ABCB1: variants seen among roughly 807,000 people sequenced by gnomAD.
ABCB1 encodes ATP binding cassette subfamily B member 1.
ABCB1 carries 69 observed loss-of-function variants against 142.0 expected under a neutral mutation model. The ratio of observed to expected loss-of-function variants is 0.49; its 90% CI spans 0.40 to 0.59. ABCB1 has a LOEUF of 0.59. ABCB1 is among the 20% of genes least tolerant of loss of function. The pLI, the probability that ABCB1 is intolerant of heterozygous loss-of-function variation, is 0.00. For synonymous variants in ABCB1, 532 were observed against 539.2 expected, an observed-to-expected ratio of 0.99 and a Z score of 0.18; for missense variants, 1,326 against 1,554.7, an observed-to-expected ratio of 0.85 and a Z score of 2.47.
intron 1 of ABCB1, among the ~76,000 whole-genome samples, chr7:87,664,292 T>C (rs1329491096): frequency 6.6e-6 from 1 of 152,070 alleles, no homozygotes; most frequent in Non-Finnish European, 1.5e-5. Context: ...TACCTGGAGA[T>C]AGCAGCTGCA....
In ABCB1 at chr7:87,539,399, A is replaced by G. The variant is rs1032932206; in HGVS notation, c.2320-54T>C. 9 of 1,538,380 alleles carry G rather than the reference A, an allele frequency of 5.9e-6. No homozygotes were observed. The Admixed American group carries it at 1.0e-4, about 17-fold the overall frequency. On this transcript the variant is annotated intron_variant, in intron 18 of 27. Transcript: ENST00000622132. ...ACCCAGCCACCATTTAAATAAAAGGAGGGAGAATTGATGTCTTTGCTAAAG... is the reference window on the plus strand; with the variant it reads ...ACCCAGCCACCATTTAAATAAAAGGGGGGAGAATTGATGTCTTTGCTAAAG...
chr7:87,523,041 G>T (rs1465527966), intron 21 of ABCB1, among the ~76,000 whole-genome samples: 3 of 151,946 alleles, frequency 2.0e-5, no homozygotes, highest in African/African-American at 7.3e-5. Flanking sequence ...CTAAACATTT[G>T]TCCATATTGA....
chr7:87,708,962 C>A (rs1237379166), intron 1 of ABCB1, among the ~76,000 whole-genome samples: 2 of 152,112 alleles, frequency 1.3e-5, no homozygotes, highest in South Asian at 4.2e-4. Context: ...ATGGATCACC[C>A]TTATCAACTG....
At chr7:87,617,928 T>C (rs931349846) in intron 1 of ABCB1, among the ~76,000 whole-genome samples, 1 of 152,188 alleles carries the variant, frequency 6.6e-6, no homozygotes, top group African/African-American at 2.4e-5. Flanking sequence ...CCTTACTCTC[T>C]GAGCTCCAGC....
chr7:87,688,650 T>G (rs1211271815), intron 1 of ABCB1, among the ~76,000 whole-genome samples: 2 of 152,014 alleles, frequency 1.3e-5, no homozygotes, highest in Non-Finnish European at 2.9e-5. Context: ...TTTGTACTTA[T>G]TTTTCATTTG....
chr7:87,531,261 CTTAA>C (rs1272516361), intron 21 of ABCB1, 29 bp downstream of exon 21: 16 of 1,557,834 alleles, frequency 1.0e-5, no homozygotes, highest in South Asian at 2.2e-5. Context: ...CTTTACTCTA[CTTAA>C]TTAATCAATC....
chr7:87,555,775 G>A (rs541887049), intron 8 of ABCB1, among the ~76,000 whole-genome samples: 1 of 152,208 alleles, frequency 6.6e-6, no homozygotes, highest in South Asian at 2.1e-4. Context: ...CACTTTATGA[G>A]TTGATCTGAG....
intron 1 of ABCB1, among the ~76,000 whole-genome samples, chr7:87,616,913 G>T (rs1034454368): frequency 3.3e-5 from 5 of 152,086 alleles, no homozygotes; most frequent in African/African-American, 1.2e-4. Context: ...AGCTAGAATT[G>T]GTCTGTCTCT....
intron 1 of ABCB1, chr7:87,650,866 T>C (rs150966930): frequency 1.1e-5 from 17 of 1,613,074 alleles, no homozygotes; most frequent in African/African-American, 4.0e-5. Flanking sequence ...TTTGAGACAA[T>C]TGATGATTCT....
At position 87,509,472 on chromosome 7, in the gene ABCB1, CATCA is replaced by C; in HGVS notation, c.3288_3291del (p.Asp1097AlafsTer4). ...ACATTCAGTCGCTTTATTTCTTTGC[CATCA>C]AGCAGCTGAAAACAAGAGTTCACAG... is the stretch of plus-strand genomic sequence containing the variant. On this transcript the variant is annotated frameshift_variant, in exon 26 of 28. Coordinates refer to ENST00000622132, the MANE Select transcript of ABCB1 (RefSeq NM_001348946.2). LOFTEE classifies it high-confidence loss of function. 6.2e-7 allele frequency: 1 copy of C among 1,614,026 alleles called. No individual in the cohort carries two copies. The highest frequency in any genetic ancestry group is 8.5e-7 in the Non-Finnish European group (1 of 1,180,016).
At chr7:87,681,968 G>T (rs564900825) in intron 1 of ABCB1, among the ~76,000 whole-genome samples, 7 of 152,272 alleles carry the variant, frequency 4.6e-5, no homozygotes, top group African/African-American at 1.7e-4. Context: ...TTCAAAATTG[G>T]AGTCAATACT....
At chr7:87,666,119 A>G (rs1341869433) in intron 1 of ABCB1, among the ~76,000 whole-genome samples, 1 of 152,074 alleles carries the variant, frequency 6.6e-6, no homozygotes, top group African/African-American at 2.4e-5. Flanking sequence ...GTGTATAAGC[A>G]TCCCCTTTTC....
intron 4 of ABCB1, among the ~76,000 whole-genome samples, chr7:87,575,667 T>C (rs1183769228): frequency 6.6e-6 from 1 of 152,222 alleles, no homozygotes; most frequent in Admixed American, 6.5e-5. Flanking sequence ...CCCTATGGCA[T>C]TGGCCCAAAC....
chr7:87,504,849 T>A (rs1341259588), intron 27 of ABCB1, among the ~76,000 whole-genome samples: 1 of 150,548 alleles, frequency 6.6e-6, no homozygotes, highest in Non-Finnish European at 1.5e-5. Context: ...CAACAATAGA[T>A]CCTTCTTAAC....
At chr7:87,586,713 G>A (rs1451199455) in intron 3 of ABCB1, among the ~76,000 whole-genome samples, 1 of 152,194 alleles carries the variant, frequency 6.6e-6, no homozygotes, top group African/African-American at 2.4e-5. Context: ...CAAGGGGATA[G>A]AAACCAATCC....
chr7:87,562,830 T>C (rs1297425121), intron 7 of ABCB1, among the ~76,000 whole-genome samples: 1 of 150,986 alleles, frequency 6.6e-6, no homozygotes, highest in African/African-American at 2.4e-5. Context: ...CCAGGTGTGA[T>C]GACTCACACC....
intron 1 of ABCB1, chr7:87,700,373 G>T (rs763969613): frequency 7.3e-5 from 108 of 1,480,400 alleles, no homozygotes; most frequent in Admixed American, 2.3e-4. Context: ...TTCAAGTCTA[G>T]TTTTATTTTA....
intron 1 of ABCB1, among the ~76,000 whole-genome samples, chr7:87,685,843 T>C (rs933835662): frequency 2.6e-5 from 4 of 152,212 alleles, no homozygotes; most frequent in Admixed American, 1.3e-4. Flanking sequence ...ATTCTATTGC[T>C]TCCCATTAAA....
chr7:87,709,055 G>C (rs927987326), intron 1 of ABCB1, among the ~76,000 whole-genome samples: 5 of 151,930 alleles, frequency 3.3e-5, no homozygotes, highest in Admixed American at 3.3e-4. Context: ...TTTGTCTTCT[G>C]TTCTATTAAA....
Sources: allele counts gnomAD v4.1 joint callset (sites outside exome capture counted in the v4.1 genomes callset), GRCh38; gene constraint gnomAD v4.1.1; transcripts MANE v1.5; gene names NCBI Gene and HGNC (gene_info 2026-07-23, HGNC 2026-07-21).